The following SLC9A5 variants were observed in gnomAD, a reference collection of about 807,000 sequenced individuals.
SLC9A5 encodes sodium/hydrogen exchanger 5.
A neutral mutation model predicts 91.7 loss-of-function variants in SLC9A5; 52 were observed. The ratio of observed to expected loss-of-function variants is 0.57; its 90% confidence interval spans 0.45 to 0.71. The LOEUF (loss-of-function observed/expected upper bound fraction) is 0.71, where lower values mean the gene tolerates loss of function less well. Among genes scored for constraint, SLC9A5 ranks in the 30% least tolerant of loss-of-function variants. The pLI is 0.00. For missense variants in SLC9A5, 871 were observed against 1,158.9 expected (o/e 0.75, Z 3.61); for synonymous variants, 419 against 474.5 (o/e 0.88, Z 1.52).
chr16:67,256,326 G>C lies in SLC9A5; in HGVS notation c.912-143G>C. On this transcript the variant is annotated intron_variant, in intron 5 of 15. Coordinates refer to ENST00000299798, the MANE Select transcript of SLC9A5 (RefSeq NM_004594.3). The surrounding 1 kb of genome is among the most constrained non-coding windows in gnomAD (Gnocchi z 4.1). ...CTCTTAGCCCAGCACTACCATTCAA[G>C]TCTTCAGGCCTCCCTGGGCTTCAGC... The C allele has an allele frequency of 1.5e-6, 1 of 646,172 alleles. No individual in the cohort carries two copies. The highest frequency in any genetic ancestry group is 2.7e-6 in the Non-Finnish European group (1 of 364,890). The allele number at this position is 646,172 out of a possible 1,614,324, so 40.0% of individuals were successfully genotyped here. A position where few individuals can be genotyped will look rare whatever the true frequency, so the allele number is the denominator to read the frequency against.
Position 67,256,245 on chromosome 16 carries a change from C to T in SLC9A5, c.912-224C>T, listed in dbSNP as rs1275924346. Among the ~76,000 whole-genome samples the T allele has an allele frequency of 4.6e-5, 7 of 152,318 alleles. No homozygotes were observed. The highest frequency in any genetic ancestry group is 3.4e-3 in the Middle Eastern group (1 of 294). On this transcript the variant is annotated intron_variant, in intron 5 of 15. Coordinates refer to ENST00000299798, the MANE Select transcript of SLC9A5 (RefSeq NM_004594.3). The surrounding 1 kb of genome is among the most constrained non-coding windows in gnomAD (Gnocchi z 4.1). ...ATTAGAGAGCCCGCTAGTCAGAGCA[C>T]GTTCCTTCCACCTTCCCTTCCAGGA...
At position 67,248,992 on chromosome 16, in the gene SLC9A5, A is replaced by T. The variant is rs1350903865; in HGVS notation, c.-23A>T. On this transcript the variant is annotated 5_prime_UTR_variant, in exon 1 of 16. Transcript: ENST00000299798. This position sits in a 1 kb window ranked among gnomAD's most constrained non-coding sequence, Gnocchi z 5.3. ...GGGCCGGCGGCCGTGCGGTGCCGGG[A>T]GGGCGGCTGGGCAGGCGGCAGGATG... 8.1e-7 allele frequency: 1 copy of T among 1,237,350 alleles called. No homozygotes were observed. Among genetic ancestry groups the T allele is most frequent in the African/African-American group, 1.6e-5 (1 of 63,248 alleles). The allele number at this position is 1,237,350 out of a possible 1,614,324, so 76.6% of individuals were successfully genotyped here.
In SLC9A5 at chr16:67,255,944, G is replaced by A. The variant is rs763046017; in HGVS notation, c.911+14G>A. On this transcript the variant is annotated intron_variant, in intron 5 of 15. Transcript: ENST00000299798. The surrounding 1 kb of genome is among the most constrained non-coding windows in gnomAD (Gnocchi z 4.9). The stretch of plus-strand genomic sequence containing the variant: ...CGCCATTCTTGCGTGAGTTCTGGGG[G>A]CCTTGCAGGCAGATAGCTGGGAGGG... 1 of 1,609,666 alleles carries A rather than the reference G, an allele frequency of 6.2e-7. No homozygotes were observed. Among genetic ancestry groups the A allele is most frequent in the East Asian group, 2.2e-5 (1 of 44,824 alleles).
At chr16:67,251,454 C>T (rs2035118186) in intron 1 of SLC9A5, among the ~76,000 whole-genome samples, 1 of 131,210 alleles carries the variant, frequency 7.6e-6, no homozygotes, top group East Asian at 2.2e-4. Flanking sequence ...CACTCTGTCA[C>T]CCAGGCTGGA....
At position 67,255,928 on chromosome 16, in the gene SLC9A5, T is replaced by A; in HGVS notation, c.909T>A (p.Leu303=). 1 of 1,612,920 alleles carries A rather than the reference T, an allele frequency of 6.2e-7. No homozygotes were observed. Among genetic ancestry groups the A allele is most frequent in the South Asian group, 1.1e-5 (1 of 90,732 alleles). The change falls in exon 5 of 16, where the codon CTT becomes CTA. Residue 303 remains leucine (L), a splice_region_variant and synonymous_variant. Coordinates refer to ENST00000299798, the MANE Select transcript of SLC9A5 (RefSeq NM_004594.3). This position sits in a 1 kb window ranked among gnomAD's most constrained non-coding sequence, Gnocchi z 4.9. ...AAATGGCCTCGCTCTCCGCCATTCTTGCGTGAGTTCTGGGGGCCTTGCAGG... is the reference window on the plus strand; with the variant it reads ...AAATGGCCTCGCTCTCCGCCATTCTAGCGTGAGTTCTGGGGGCCTTGCAGG... The part of the protein sequence containing the change: ...TAEMASLSAI[L]AVTMCGLGCK...
Position 67,255,058 on chromosome 16 carries a change from G to A in SLC9A5, c.528G>A (p.Leu176=), listed in dbSNP as rs374326486. ...AGGCTGGCTTACTGGACTTCCTGCT[G>A]TTTGGGAGCCTCATCTCGGCGGTGG... ...RVQAGLLDFL[L]FGSLISAVDP... The change falls in exon 3 of 16, where the codon CTG becomes CTA. Residue 176 remains leucine, a synonymous_variant. Transcript: ENST00000299798. This position sits in a 1 kb window ranked among gnomAD's most constrained non-coding sequence, Gnocchi z 4.9. 8 of 1,614,082 alleles carry A rather than the reference G, an allele frequency of 5.0e-6. No homozygotes were observed. The highest frequency in any genetic ancestry group is 1.3e-5 in the African/African-American group (1 of 75,030).
chr16:67,250,106 C>T (rs1388860880), intron 1 of SLC9A5, among the ~76,000 whole-genome samples: 1 of 152,170 alleles, frequency 6.6e-6, no homozygotes, highest in African/African-American at 2.4e-5. Flanking sequence ...TCCAGTCTCA[C>T]CAATACAGCC....
At chr16:67,261,029 A>G (rs1023189585) in intron 12 of SLC9A5, 12 of 152,202 alleles carry the variant, frequency 7.9e-5, no homozygotes. Flanking sequence ...CCAAAATTTC[A>G]AGACAGTTCC....
In SLC9A5 at chr16:67,255,412, A is replaced by G; in HGVS notation, c.674A>G (p.Asn225Ser). The G allele has an allele frequency of 6.2e-7, 1 of 1,613,084 alleles. No homozygotes were observed. Among genetic ancestry groups the G allele is most frequent in the East Asian group, 2.2e-5 (1 of 44,832 alleles). Residue 225 changes from asparagine (N) to serine (S), a missense_variant, in exon 4 of 16, where the codon AAC (asparagine) becomes AGC (serine). Asn to Ser is a conservative substitution (Grantham distance 46, BLOSUM62 1). Transcript: ENST00000299798. This position sits in a 1 kb window ranked among gnomAD's most constrained non-coding sequence, Gnocchi z 4.9. ...AVTVVLYKVC[N>S]SFVEMGSANV... ...GCTCAGGTGCTGTACAAGGTCTGCA[A>G]CTCCTTTGTGGAGATGGGCTCTGCC...
Position 67,256,338 on chromosome 16 carries a change from C to T in SLC9A5, c.912-131C>T. 1 of 675,012 alleles carries T rather than the reference C, an allele frequency of 1.5e-6. No homozygotes were observed. Among genetic ancestry groups the T allele is most frequent in the Non-Finnish European group, 2.6e-6 (1 of 383,038 alleles). 41.8% of individuals were successfully genotyped at this position (675,012 alleles called of 1,614,324 possible). On this transcript the variant is annotated intron_variant, in intron 5 of 15. Coordinates refer to ENST00000299798, the MANE Select transcript of SLC9A5 (RefSeq NM_004594.3). The surrounding 1 kb of genome is among the most constrained non-coding windows in gnomAD (Gnocchi z 4.1). ...CACTACCATTCAAGTCTTCAGGCCT[C>T]CCTGGGCTTCAGCTCTGAGAGTCTG...
Position 67,264,529 on chromosome 16 carries a change from C to T in SLC9A5, c.2013+7C>T. 2 of 1,614,078 alleles carry T rather than the reference C, an allele frequency of 1.2e-6. No homozygotes were observed. ...CAAGACTGGCCGCAGGAAGGCATGT[C>T]TTCCCTCAGGGACTCCTCTTGGGAG... On this transcript the variant is annotated splice_region_variant and intron_variant, in intron 13 of 15. Coordinates refer to ENST00000299798, the MANE Select transcript of SLC9A5 (RefSeq NM_004594.3).
intron 12 of SLC9A5, among the ~76,000 whole-genome samples, chr16:67,260,216 G>A (rs1034944241): frequency 2.0e-5 from 3 of 151,916 alleles, no homozygotes; most frequent in African/African-American, 4.8e-5. Flanking sequence ...TTAGCTGGGT[G>A]CGGTGGCACA....
intron 1 of SLC9A5, 52 bp downstream of exon 1, chr16:67,249,253 C>A: frequency 7.6e-7 from 1 of 1,312,404 alleles, no homozygotes; most frequent in Non-Finnish European, 9.8e-7. Flanking sequence ...GGACCCGCCC[C>A]CAACACCCCC....
chr16:67,252,786 C>T lies in SLC9A5; in HGVS notation c.432C>T (p.Leu144=). 6.2e-7 allele frequency: 1 copy of T among 1,614,012 alleles called. No homozygotes were observed. The highest frequency in any genetic ancestry group is 8.5e-7 in the Non-Finnish European group (1 of 1,180,022). The change falls in exon 2 of 16, where the codon CTC becomes CTT. Residue 144 remains leucine (L), a synonymous_variant. Transcript: ENST00000299798. This position sits in a 1 kb window ranked among gnomAD's most constrained non-coding sequence, Gnocchi z 4.0. ...TCACCTATGCCGTGGTAGGCACACTCTGGAATGCCTTCACAACAGGCGCTG... is the reference window on the plus strand; with the variant it reads ...TCACCTATGCCGTGGTAGGCACACTTTGGAATGCCTTCACAACAGGCGCTG... The part of the protein sequence containing the change: ...AILTYAVVGT[L]WNAFTTGAAL...
At chr16:67,262,167 T>C (rs1460491848) in intron 12 of SLC9A5, 5 of 412,254 alleles carry the variant, frequency 1.2e-5, no homozygotes, top group South Asian at 8.5e-5. Flanking sequence ...TTGTTAAGCC[T>C]GTTAACTTTG....
Position 67,256,002 on chromosome 16 carries a change from C to T in SLC9A5, c.911+72C>T. 2.0e-6 allele frequency: 3 copies of T among 1,499,618 alleles called. No individual in the cohort carries two copies. Among genetic ancestry groups the T allele is most frequent in the East Asian group, 4.6e-5 (2 of 43,238 alleles). 92.9% of individuals were successfully genotyped at this position (1,499,618 alleles called of 1,614,324 possible). ...GAGATGGTTGCCCCTCATAGGGACA[C>T]AGGCAGGAACTTCAGGAGTCCATAG... is the stretch of plus-strand genomic sequence containing the variant. On this transcript the variant is annotated intron_variant, in intron 5 of 15. Transcript: ENST00000299798. This position sits in a 1 kb window ranked among gnomAD's most constrained non-coding sequence, Gnocchi z 4.1.
In SLC9A5 at chr16:67,251,101, A is replaced by G. The variant is rs78588116; in HGVS notation, c.188-1441A>G. On this transcript the variant is annotated intron_variant, in intron 1 of 15. Coordinates refer to ENST00000299798, the MANE Select transcript of SLC9A5 (RefSeq NM_004594.3). ...ACCCTTGATGCTGGGTATTTTTCCT[A>G]TATTACAAAAGAAGAAATTGAAGTT... Among the ~76,000 whole-genome samples the G allele has an allele frequency of 6.4e-3, 970 of 152,310 alleles. 8 individuals carry two copies. The highest frequency in any genetic ancestry group is 0.022 in the African/African-American group (904 of 41,558).
Position 67,270,493 on chromosome 16 carries a change from C to T in SLC9A5, c.2219-245C>T, listed in dbSNP as rs2035879101. On this transcript the variant is annotated intron_variant, in intron 15 of 15. Transcript: ENST00000299798. This position sits in a 1 kb window ranked among gnomAD's most constrained non-coding sequence, Gnocchi z 4.3. ...GCCATAAGCCAACTTTCCTTATTTT[C>T]GTTTCTTTGATGAAAATAATGTTCA... Among the ~76,000 whole-genome samples the T allele has an allele frequency of 6.6e-6, 1 of 152,164 alleles. No individual in the cohort carries two copies. Among genetic ancestry groups the T allele is most frequent in the Admixed American group, 6.5e-5 (1 of 15,276 alleles).
Position 67,256,697 on chromosome 16 carries a change from T to C in SLC9A5, c.1132+8T>C, listed in dbSNP as rs1260033826. The C allele has an allele frequency of 1.7e-5, 27 of 1,602,200 alleles. No homozygotes were observed. Among genetic ancestry groups the C allele is most frequent in the Non-Finnish European group, 2.0e-5 (23 of 1,171,422 alleles). ...TGTTCTTCCGAGCCCTCGGTATTGC[T>C]GGCACCCTCTGCTTTCCCACTCTCC... On this transcript the variant is annotated splice_region_variant and intron_variant, in intron 6 of 15. Coordinates refer to ENST00000299798, the MANE Select transcript of SLC9A5 (RefSeq NM_004594.3). The surrounding 1 kb of genome is among the most constrained non-coding windows in gnomAD (Gnocchi z 4.1).
Sources: allele counts gnomAD v4.1 joint callset (sites outside exome capture counted in the v4.1 genomes callset), GRCh38; gene constraint gnomAD v4.1.1; non-coding constraint Gnocchi (gnomAD v3.1); transcripts MANE v1.5; gene names NCBI Gene and HGNC (gene_info 2026-07-23, HGNC 2026-07-21).